Variants in BNC2 observed in about 807,000 individuals in gnomAD.
BNC2 encodes basonuclin zinc finger protein 2.
In BNC2, 20 loss-of-function variants were observed where a neutral mutation model predicts 76.3. The observed-to-expected ratio is 0.26, with a 90% confidence interval of 0.18 to 0.38. The LOEUF is 0.38. BNC2 is among the 10% of genes least tolerant of loss of function. The pLI, the probability that BNC2 is intolerant of heterozygous loss-of-function variation, is 1.00. For missense variants in BNC2, 1,382 were observed against 1,399.8 expected, an observed-to-expected ratio of 0.99 and a Z score of 0.20; for synonymous variants, 582 against 514.8, an observed-to-expected ratio of 1.13 and a Z score of -1.77.
At chr9:16,452,510 C>T (rs1322053758) in intron 5 of BNC2, among the ~76,000 whole-genome samples, 2 of 152,158 alleles carry the variant, frequency 1.3e-5, no homozygotes, top group Non-Finnish European at 2.9e-5. Flanking sequence ...GCAACCTCCG[C>T]CTCCCAGGTT....
At chr9:16,553,203 T>C (rs1183764628) in intron 4 of BNC2, among the ~76,000 whole-genome samples, 3 of 152,156 alleles carry the variant, frequency 2.0e-5, no homozygotes. Flanking sequence ...TCAGTGAATA[T>C]CACTTTTCTG....
At chr9:16,624,428 A>G (rs1052647644) in intron 3 of BNC2, among the ~76,000 whole-genome samples, 3 of 152,222 alleles carry the variant, frequency 2.0e-5, no homozygotes, top group African/African-American at 7.2e-5. Flanking sequence ...AACTGCTCAC[A>G]CAACATAAAA....
rs1315810650 is a variant in BNC2, at chr9:16,414,247, A to G, written c.*4742T>C. On this transcript the variant is annotated 3_prime_UTR_variant, in exon 7 of 7. Coordinates refer to ENST00000380672, the MANE Select transcript of BNC2 (RefSeq NM_017637.6). ...ACCCACTGCGAGGCAGAGCTATGCC[A>G]GTCTTTTCTCTCGAGCCAACATTTC... 1 of 152,246 alleles carries G rather than the reference A, an allele frequency of 6.6e-6. No individual in the cohort carries two copies. The highest frequency in any genetic ancestry group is 1.5e-5 in the Non-Finnish European group (1 of 68,092). 9.4% of individuals were successfully genotyped at this position (152,246 alleles called of 1,614,324 possible). A position where few individuals can be genotyped will look rare whatever the true frequency, so the allele number is the denominator to read the frequency against.
chr9:16,836,320 G>T (rs558923552), intron 1 of BNC2, among the ~76,000 whole-genome samples: 1 of 151,914 alleles, frequency 6.6e-6, no homozygotes, highest in African/African-American at 2.4e-5. Context: ...CGTTTTTTTA[G>T]GGTATAATCA....
intron 1 of BNC2, among the ~76,000 whole-genome samples, chr9:16,771,523 G>A (rs1825830564): frequency 6.6e-6 from 1 of 152,178 alleles, no homozygotes. Context: ...ACAAGTATAG[G>A]CAGAGTATGT....
intron 3 of BNC2, among the ~76,000 whole-genome samples, chr9:16,697,139 T>A (rs1823361732): frequency 7.0e-6 from 1 of 143,816 alleles, no homozygotes; most frequent in Non-Finnish European, 1.5e-5. Context: ...GGCGGGTGGA[T>A]CACGAGGTCA....
At chr9:16,811,927 T>A (rs1818065693) in intron 1 of BNC2, among the ~76,000 whole-genome samples, 1 of 152,192 alleles carries the variant, frequency 6.6e-6, no homozygotes, top group South Asian at 2.1e-4. Context: ...TTCAGAGGTA[T>A]ACATACCTGA....
intron 6 of BNC2, chr9:16,421,217 A>G: frequency 2.4e-6 from 3 of 1,252,866 alleles, no homozygotes; most frequent in South Asian, 2.6e-5. Flanking sequence ...TAAGGGGCAG[A>G]GGGCAGCAGC....
chr9:16,440,625 C>G (rs1017623033), intron 5 of BNC2, among the ~76,000 whole-genome samples: 1 of 152,336 alleles, frequency 6.6e-6, no homozygotes, highest in African/African-American at 2.4e-5. Flanking sequence ...TCAGTCCCAC[C>G]TGAGGCATCT....
intron 4 of BNC2, among the ~76,000 whole-genome samples, chr9:16,564,858 C>T (rs892910031): frequency 6.6e-6 from 1 of 152,144 alleles, no homozygotes; most frequent in Non-Finnish European, 1.5e-5. Context: ...TAGTTGAGGT[C>T]ATACTGTAGA....
At chr9:16,458,427 C>G (rs1821501359) in intron 5 of BNC2, among the ~76,000 whole-genome samples, 1 of 152,088 alleles carries the variant, frequency 6.6e-6, no homozygotes. Context: ...TAACAAATAT[C>G]TTGGTTTTGA....
intron 1 of BNC2, among the ~76,000 whole-genome samples, chr9:16,780,401 G>C (rs556491077): frequency 6.6e-6 from 1 of 151,040 alleles, no homozygotes; most frequent in Non-Finnish European, 1.5e-5. Context: ...GGGAAACCCC[G>C]TCTCTACTAA....
intron 6 of BNC2, among the ~76,000 whole-genome samples, chr9:16,425,065 A>G (rs542553505): frequency 6.6e-6 from 1 of 152,306 alleles, no homozygotes; most frequent in East Asian, 1.9e-4. Context: ...TAACACTCAA[A>G]AAGCCCCAAA....
chr9:16,667,981 T>C (rs377599796), intron 3 of BNC2, among the ~76,000 whole-genome samples: 6 of 152,298 alleles, frequency 3.9e-5, no homozygotes, highest in East Asian at 1.9e-4. Context: ...GGCACAAAGA[T>C]TGGCATTTAT....
intron 4 of BNC2, among the ~76,000 whole-genome samples, chr9:16,556,081 C>T (rs892216840): frequency 2.6e-5 from 4 of 151,158 alleles, no homozygotes; most frequent in African/African-American, 7.3e-5. Context: ...AGGAGAATTG[C>T]TTGAGCCCAA....
intron 3 of BNC2, among the ~76,000 whole-genome samples, chr9:16,643,460 GT>G (rs1172799321): frequency 6.6e-6 from 1 of 152,036 alleles, no homozygotes; most frequent in South Asian, 2.1e-4. Flanking sequence ...CACATTCCTG[GT>G]TTTCAACCTT....
At chr9:16,784,965 C>T (rs974721341) in intron 1 of BNC2, among the ~76,000 whole-genome samples, 1 of 152,124 alleles carries the variant, frequency 6.6e-6, no homozygotes, top group Middle Eastern at 3.2e-3. Flanking sequence ...AGTTTTTAAG[C>T]CCGTGAGACC....
intron 5 of BNC2, among the ~76,000 whole-genome samples, chr9:16,494,079 C>G (rs182748167): frequency 3.3e-5 from 5 of 152,120 alleles, no homozygotes; most frequent in African/African-American, 4.8e-5. Context: ...AAACCCCTAC[C>G]CTGGTGGAGC....
chr9:16,574,847 T>G (rs1227576449), intron 4 of BNC2, among the ~76,000 whole-genome samples: 1 of 152,204 alleles, frequency 6.6e-6, no homozygotes, highest in Admixed American at 6.5e-5. Flanking sequence ...GCATTGCTAT[T>G]ATTATCCGAA....
Sources: gnomAD v4.1 joint callset for allele counts (sites outside exome capture counted in the v4.1 genomes callset) on GRCh38, gnomAD v4.1.1 for gene constraint, MANE v1.5 for transcripts, NCBI Gene and HGNC (gene_info 2026-07-23, HGNC 2026-07-21) for gene names.